Variants in RAPGEF6 observed in about 807,000 individuals in gnomAD.
The protein encoded by RAPGEF6 is PDZ domain containing guanine nucleotide exchange factor (GEF) 2.
A neutral mutation model predicts 171.4 loss-of-function variants in RAPGEF6; 56 were observed. The observed-to-expected ratio is 0.33, with a 90% confidence interval of 0.26 to 0.41. The LOEUF (loss-of-function observed/expected upper bound fraction) is 0.41. Among genes scored for constraint, RAPGEF6 ranks in the 10% least tolerant of loss-of-function variants. The probability of loss-of-function intolerance (pLI) is 1.00; values close to 1 mark genes in which losing one functional copy is unlikely to be tolerated. For missense variants in RAPGEF6, 1,674 were observed against 1,921.4 expected (o/e 0.87, Z 2.41); for synonymous variants, 692 against 650.1 (o/e 1.06, Z -0.98).
chr5:131,567,740 T>C (rs1762039250), intron 4 of RAPGEF6, among the ~76,000 whole-genome samples: 1 of 152,248 alleles, frequency 6.6e-6, no homozygotes, highest in Non-Finnish European at 1.5e-5. Context: ...GTAATACTTT[T>C]CAAGCTATAC....
chr5:131,563,025 G>A (rs887055753), intron 4 of RAPGEF6, among the ~76,000 whole-genome samples: 2 of 150,892 alleles, frequency 1.3e-5, no homozygotes, highest in African/African-American at 4.9e-5. Flanking sequence ...AAAAAGATAG[G>A]TTTCCATTTT....
rs749800738 is a variant in RAPGEF6 at position 131,521,561 on chromosome 5, C to CTTTA, written c.496-44_496-41dup. ...AATTTAAGTTATTCTAAATGTCAAGCTTTACCTTTTTAAGCGGTTTCGACA... is the reference window on the plus strand; with the variant it reads ...AATTTAAGTTATTCTAAATGTCAAGCTTTATTTACCTTTTTAAGCGGTTTCGACA... On this transcript the variant is annotated intron_variant, in intron 6 of 27. Coordinates refer to ENST00000509018, the MANE Select transcript of RAPGEF6 (RefSeq NM_016340.6). 2.6e-6 allele frequency: 4 copies of CTTTA among 1,568,168 alleles called. No individual in the cohort carries two copies. In the Admixed American group the frequency reaches 7.6e-5, roughly 30 times the overall value.
intron 17 of RAPGEF6, among the ~76,000 whole-genome samples, chr5:131,471,580 A>G (rs1754740262): frequency 6.6e-6 from 1 of 152,142 alleles, no homozygotes; most frequent in Non-Finnish European, 1.5e-5. Flanking sequence ...GGACCCAATT[A>G]TATGTTTCAG....
chr5:131,494,609 A>G (rs1756503786), intron 13 of RAPGEF6, among the ~76,000 whole-genome samples: 1 of 152,214 alleles, frequency 6.6e-6, no homozygotes, highest in African/African-American at 2.4e-5. Flanking sequence ...AAGGTAGGCA[A>G]GGGACCTGAA....
At chr5:131,549,755 A>T (rs1233522596) in intron 5 of RAPGEF6, among the ~76,000 whole-genome samples, 3 of 152,052 alleles carry the variant, frequency 2.0e-5, no homozygotes, top group East Asian at 1.9e-4. Flanking sequence ...CAGTACAAGC[A>T]CAGGTTTATT....
intron 19 of RAPGEF6, among the ~76,000 whole-genome samples, chr5:131,459,960 GTTA>G (rs1458270014): frequency 6.6e-6 from 1 of 152,064 alleles, no homozygotes; most frequent in Non-Finnish European, 1.5e-5. Flanking sequence ...ATAAAAAGTT[GTTA>G]ATTATAGCCA....
At chr5:131,472,110 C>G (rs1215014560) in intron 17 of RAPGEF6, 1 of 145,876 alleles carries the variant, frequency 6.9e-6, no homozygotes, top group African/African-American at 2.7e-5. Flanking sequence ...CTTGCTCTGT[C>G]GCCCAGGCTG....
At chr5:131,547,507 A>ACTTT (rs1760627439) in intron 6 of RAPGEF6, among the ~76,000 whole-genome samples, 1 of 142,820 alleles carries the variant, frequency 7.0e-6, no homozygotes, top group Non-Finnish European at 1.5e-5. Context: ...GACACAGCTT[A>ACTTT]CTTTTTTTTT....
chr5:131,498,624 A>G lies in RAPGEF6; in HGVS notation c.1255-17T>C. Reference sequence around the variant, plus strand: ...AGGTGTTGCCTAAAAATCCAAGGATAGGAAGGATTAGAAAATAAACAAATG... The same window carrying G: ...AGGTGTTGCCTAAAAATCCAAGGATGGGAAGGATTAGAAAATAAACAAATG... On this transcript the variant is annotated splice_polypyrimidine_tract_variant and intron_variant, in intron 11 of 27. Transcript: ENST00000509018. 1 of 1,605,912 alleles carries G rather than the reference A, an allele frequency of 6.2e-7. No homozygotes were observed. Among genetic ancestry groups the G allele is most frequent in the Non-Finnish European group, 8.5e-7 (1 of 1,176,146 alleles).
intron 1 of RAPGEF6, among the ~76,000 whole-genome samples, chr5:131,633,236 G>A (rs1033706993): frequency 1.3e-5 from 2 of 152,136 alleles, no homozygotes; most frequent in Admixed American, 6.5e-5. Flanking sequence ...GGAGGGTGAG[G>A]CAGAACTACT....
intron 9 of RAPGEF6, among the ~76,000 whole-genome samples, chr5:131,506,216 C>T (rs555340028): frequency 6.6e-6 from 1 of 152,296 alleles, no homozygotes; most frequent in Admixed American, 6.5e-5. Context: ...TTATAGCTCA[C>T]TGTAGCTTCA....
Position 131,635,119 on chromosome 5 carries a change from C to A in RAPGEF6, c.-89G>T. 3.0e-6 allele frequency: 4 copies of A among 1,340,698 alleles called. No homozygotes were observed. Among genetic ancestry groups the A allele is most frequent in the Non-Finnish European group, 2.0e-6 (2 of 1,001,822 alleles). The allele number at this position is 1,340,698 out of a possible 1,614,324, so 83.1% of individuals were successfully genotyped here. A position where few individuals can be genotyped will look rare whatever the true frequency, so the allele number is the denominator to read the frequency against. The stretch of plus-strand genomic sequence containing the variant: ...GGTAGCGGGTGCGGTACCTTTCCCC[C>A]GCCCCAAGGAGGGAACTTCGCGCCG... On this transcript the variant is annotated 5_prime_UTR_variant, in exon 1 of 28. Coordinates refer to ENST00000509018, the MANE Select transcript of RAPGEF6 (RefSeq NM_016340.6).
chr5:131,559,999 C>G (rs189634812), intron 5 of RAPGEF6, among the ~76,000 whole-genome samples: 1 of 152,144 alleles, frequency 6.6e-6, no homozygotes, highest in Non-Finnish European at 1.5e-5. Context: ...ATAGACAAAA[C>G]CATTTGACCA....
intron 5 of RAPGEF6, among the ~76,000 whole-genome samples, chr5:131,555,208 A>G (rs1212132241): frequency 1.3e-5 from 2 of 152,206 alleles, no homozygotes; most frequent in Non-Finnish European, 2.9e-5. Context: ...TGGTATCCAC[A>G]TCTGCTATAA....
At chr5:131,453,231 T>C (rs938670269) in intron 20 of RAPGEF6, 54 bp from the exon 21 acceptor site, 2 of 1,522,068 alleles carry the variant, frequency 1.3e-6, no homozygotes, top group African/African-American at 1.4e-5. Flanking sequence ...TACATAAAAG[T>C]AGCAAAAGTC....
intron 6 of RAPGEF6, among the ~76,000 whole-genome samples, chr5:131,535,255 G>A (rs1229934395): frequency 6.6e-6 from 1 of 152,076 alleles, no homozygotes; most frequent in Non-Finnish European, 1.5e-5. Flanking sequence ...AAAAGAAACA[G>A]GCCAAATTCC....
chr5:131,590,500 T>C (rs900433340), intron 4 of RAPGEF6, among the ~76,000 whole-genome samples: 1 of 152,254 alleles, frequency 6.6e-6, no homozygotes, highest in African/African-American at 2.4e-5. Flanking sequence ...ATGCTTAATA[T>C]ATGCTAAGCA....
At chr5:131,583,247 G>A (rs1763068624) in intron 4 of RAPGEF6, among the ~76,000 whole-genome samples, 1 of 152,160 alleles carries the variant, frequency 6.6e-6, no homozygotes, top group Admixed American at 6.5e-5. Context: ...ATGATGGGAA[G>A]GGAGGTCAGA....
intron 6 of RAPGEF6, among the ~76,000 whole-genome samples, chr5:131,542,352 G>A (rs576849760): frequency 6.6e-6 from 1 of 152,204 alleles, no homozygotes; most frequent in African/African-American, 2.4e-5. Context: ...ACTAGGCAGA[G>A]CCCTTTTTTA....
Sources: allele counts gnomAD v4.1 joint callset (sites outside exome capture counted in the v4.1 genomes callset), GRCh38; gene constraint gnomAD v4.1.1; transcripts MANE v1.5; gene names NCBI Gene and HGNC (gene_info 2026-07-23, HGNC 2026-07-21).